SHOC2: variants seen among roughly 807,000 people sequenced by gnomAD.
SHOC2 encodes SHOC2 leucine rich repeat scaffold protein.
SHOC2 carries 4 observed loss-of-function variants against 50.2 expected under a neutral mutation model. That is an observed-to-expected ratio of 0.08 (90% CI 0.04 to 0.18). SHOC2 has a LOEUF of 0.18. Ranked by LOEUF, SHOC2 falls within the 10% of genes least tolerant of loss-of-function variation. SHOC2 has a pLI of 1.00. For missense variants in SHOC2, 388 were observed against 669.6 expected, an observed-to-expected ratio of 0.58 and a Z score of 4.64; for synonymous variants, 218 against 244.5, an observed-to-expected ratio of 0.89 and a Z score of 1.01.
chr10:110,980,098 A>G (rs1847946507), intron 2 of SHOC2, among the ~76,000 whole-genome samples: 1 of 152,100 alleles, frequency 6.6e-6, no homozygotes, highest in Non-Finnish European at 1.5e-5. Flanking sequence ...AGCAAAAGAC[A>G]AAGAACCAGG....
At chr10:110,930,293 A>G (rs1846865335) in intron 1 of SHOC2, among the ~76,000 whole-genome samples, 1 of 152,182 alleles carries the variant, frequency 6.6e-6, no homozygotes, top group Admixed American at 6.5e-5. Context: ...ACTCAAATAT[A>G]AGATACCTTG....
rs181531062 is a variant in SHOC2 at position 111,002,746 on chromosome 10, G to A, written c.973-1860G>A. The stretch of plus-strand genomic sequence containing the variant: ...AAGTTGACAAAACTTAGTAGAAGGT[G>A]TAAAATAGAAGCCTAGATGTGTCTC... On this transcript the variant is annotated intron_variant, in intron 4 of 8. Coordinates refer to ENST00000369452, the MANE Select transcript of SHOC2 (RefSeq NM_007373.4). 2.8e-4 allele frequency among the ~76,000 whole-genome samples: 42 copies of A among 150,862 alleles called. No individual in the cohort carries two copies. In the East Asian group the frequency reaches 7.4e-3, roughly 27 times the overall value.
In SHOC2 at chr10:111,009,480, A is replaced by G. The variant is rs559702058; in HGVS notation, c.1422+95A>G. ...AAGATTTTGATGTAATTCTTGGATC[A>G]GATAGACTTTCCTATTCTAGTATTA... On this transcript the variant is annotated intron_variant, in intron 7 of 8. Coordinates refer to ENST00000369452, the MANE Select transcript of SHOC2 (RefSeq NM_007373.4). The G allele has an allele frequency of 8.7e-6, 10 of 1,155,370 alleles. No individual in the cohort carries two copies. In the South Asian group the frequency reaches 1.0e-4, roughly 12 times the overall value. The allele number at this position is 1,155,370 out of a possible 1,614,324, so 71.6% of individuals were successfully genotyped here.
chr10:110,950,172 A>G (rs1208747173), intron 1 of SHOC2, among the ~76,000 whole-genome samples: 2 of 152,226 alleles, frequency 1.3e-5, no homozygotes, highest in Non-Finnish European at 2.9e-5. Flanking sequence ...CAAAAATGTT[A>G]GAATTAATAA....
At chr10:110,938,624 G>A (rs929223380) in intron 1 of SHOC2, among the ~76,000 whole-genome samples, 13 of 152,136 alleles carry the variant, frequency 8.5e-5, no homozygotes, top group Non-Finnish European at 1.6e-4. Context: ...TATCTTCTAT[G>A]TAATATAATA....
At chr10:110,926,069 C>T (rs948850382) in intron 1 of SHOC2, among the ~76,000 whole-genome samples, 3 of 152,122 alleles carry the variant, frequency 2.0e-5, no homozygotes, top group Non-Finnish European at 4.4e-5. Flanking sequence ...CTCTAATCAC[C>T]CTTCAGGCCT....
chr10:110,968,879 A>T (rs1271654244), intron 2 of SHOC2, among the ~76,000 whole-genome samples: 1 of 152,184 alleles, frequency 6.6e-6, no homozygotes, highest in Non-Finnish European at 1.5e-5. Context: ...ATATAATTGG[A>T]ATTTAACCAC....
At chr10:110,919,592 TAGG>T (rs1227446733), upstream of SHOC2, 210 of 389,076 alleles carry the variant, frequency 5.4e-4, no homozygotes, top group African/African-American at 3.3e-3. Context: ...CGTCGCTTCT[TAGG>T]AGGAGGAGGA....
At chr10:110,979,234 G>C (rs1847929196) in intron 2 of SHOC2, among the ~76,000 whole-genome samples, 1 of 152,214 alleles carries the variant, frequency 6.6e-6, no homozygotes, top group African/African-American at 2.4e-5. Flanking sequence ...GCTGGAGACT[G>C]CTCTTAGTTC....
chr10:110,955,081 C>T (rs1268482617), intron 1 of SHOC2, among the ~76,000 whole-genome samples: 6 of 152,152 alleles, frequency 3.9e-5, no homozygotes, highest in Non-Finnish European at 7.4e-5. Flanking sequence ...TTTTGTGCTG[C>T]ATACGGCGGT....
At chr10:110,954,158 T>C (rs1198761461) in intron 1 of SHOC2, among the ~76,000 whole-genome samples, 1 of 151,684 alleles carries the variant, frequency 6.6e-6, no homozygotes, top group Non-Finnish European at 1.5e-5. Flanking sequence ...CAGTATATAC[T>C]GTTAAAATAT....
At chr10:110,924,471 G>A (rs1846716380) in intron 1 of SHOC2, among the ~76,000 whole-genome samples, 1 of 152,098 alleles carries the variant, frequency 6.6e-6, no homozygotes, top group African/African-American at 2.4e-5. Context: ...AGGTCCACTT[G>A]GGCAGTTAGA....
At chr10:110,983,513 AT>A (rs1848022127) in intron 2 of SHOC2, among the ~76,000 whole-genome samples, 1 of 152,192 alleles carries the variant, frequency 6.6e-6, no homozygotes, top group African/African-American at 2.4e-5. Flanking sequence ...TTATTATAAA[AT>A]ATGCATAACA....
chr10:110,929,115 T>TATAATTGAA (rs1846837324), intron 1 of SHOC2, among the ~76,000 whole-genome samples: 1 of 152,242 alleles, frequency 6.6e-6, no homozygotes, highest in Admixed American at 6.5e-5. Flanking sequence ...AATTGTTTAA[T>TATAATTGAA]ATAATTGAAG....
chr10:111,010,806 A>G (rs898625688), intron 8 of SHOC2, among the ~76,000 whole-genome samples: 10 of 152,242 alleles, frequency 6.6e-5, no homozygotes, highest in Non-Finnish European at 1.5e-4. Context: ...TAAAATAAAG[A>G]TGATAATAGG....
chr10:110,973,673 GT>G (rs199946588), intron 2 of SHOC2, among the ~76,000 whole-genome samples: 1 of 151,390 alleles, frequency 6.6e-6, no homozygotes, highest in Non-Finnish European at 1.5e-5. Context: ...TGGGACTAGG[GT>G]TTTTTTTGTG....
At chr10:111,008,732 C>A (rs1434375664) in intron 6 of SHOC2, among the ~76,000 whole-genome samples, 1 of 152,096 alleles carries the variant, frequency 6.6e-6, no homozygotes, top group Non-Finnish European at 1.5e-5. Flanking sequence ...TGCTCTTTCT[C>A]CCAACCCAGT....
chr10:110,957,188 C>G (rs1343807696), intron 1 of SHOC2, among the ~76,000 whole-genome samples: 1 of 152,106 alleles, frequency 6.6e-6, no homozygotes. Context: ...AATGGTTCAT[C>G]AAGATAAAAT....
intron 1 of SHOC2, among the ~76,000 whole-genome samples, chr10:110,948,679 A>G (rs990816073): frequency 2.6e-5 from 4 of 152,244 alleles, no homozygotes; most frequent in African/African-American, 9.6e-5. Flanking sequence ...GTCTCGAGAC[A>G]AAAGACAGTG....
Sources: gnomAD v4.1 joint callset for allele counts (sites outside exome capture counted in the v4.1 genomes callset) on GRCh38, gnomAD v4.1.1 for gene constraint, MANE v1.5 for transcripts, NCBI Gene and HGNC (gene_info 2026-07-23, HGNC 2026-07-21) for gene names.